The following MORC1 variants were observed in gnomAD, a reference collection of about 807,000 sequenced individuals.
The protein encoded by MORC1 is MORC family CW-type zinc finger protein 1.
MORC1 carries 59 observed loss-of-function variants against 134.9 expected under a neutral mutation model. That is an observed-to-expected ratio of 0.44 (90% CI 0.35 to 0.54). The LOEUF (loss-of-function observed/expected upper bound fraction) is 0.54. MORC1 is among the 20% of genes least tolerant of loss of function. The pLI is 0.00. For synonymous variants in MORC1, 395 were observed against 391.7 expected, an observed-to-expected ratio of 1.01 and a Z score of -0.10; for missense variants, 947 against 1,134.5, an observed-to-expected ratio of 0.83 and a Z score of 2.37.
At chr3:109,091,954 T>A (rs1950737946) in intron 8 of MORC1, among the ~76,000 whole-genome samples, 1 of 152,210 alleles carries the variant, frequency 6.6e-6, no homozygotes. Flanking sequence ...TTTCCAAAGA[T>A]GTAGCTGTCA....
chr3:109,088,788 A>G (rs1291614455), intron 8 of MORC1, among the ~76,000 whole-genome samples: 3 of 152,148 alleles, frequency 2.0e-5, no homozygotes, highest in East Asian at 1.9e-4. Context: ...ACTATTTACT[A>G]TATCACAATA....
intron 21 of MORC1, among the ~76,000 whole-genome samples, chr3:108,999,240 C>T (rs1355649990): frequency 6.6e-6 from 1 of 152,116 alleles, no homozygotes; most frequent in Admixed American, 6.6e-5. Context: ...TTTCTGTTCC[C>T]ATTCACAAAT....
chr3:108,981,806 G>A (rs1002245597), intron 23 of MORC1, among the ~76,000 whole-genome samples: 6 of 152,030 alleles, frequency 3.9e-5, no homozygotes, highest in African/African-American at 1.5e-4. Context: ...TTTTTCCCTA[G>A]AAGAAAACCT....
At chr3:109,067,039 A>T (rs1302690506) in intron 9 of MORC1, among the ~76,000 whole-genome samples, 1 of 152,180 alleles carries the variant, frequency 6.6e-6, no homozygotes, top group Non-Finnish European at 1.5e-5. Flanking sequence ...TAGCATATGG[A>T]AAGCATCCCT....
At chr3:109,045,557 G>C (rs1270267534) in intron 14 of MORC1, among the ~76,000 whole-genome samples, 2 of 152,184 alleles carry the variant, frequency 1.3e-5, no homozygotes, top group African/African-American at 2.4e-5. Context: ...GATTTAGTGT[G>C]TGGTGCAAGG....
chr3:109,045,088 A>G (rs1949661082), intron 14 of MORC1, among the ~76,000 whole-genome samples: 1 of 152,158 alleles, frequency 6.6e-6, no homozygotes, highest in Non-Finnish European at 1.5e-5. Flanking sequence ...ACCACAGCAA[A>G]GCTTTGATGG....
intron 17 of MORC1, among the ~76,000 whole-genome samples, chr3:109,025,547 A>G (rs531395117): frequency 1.3e-5 from 2 of 151,786 alleles, no homozygotes; most frequent in Non-Finnish European, 2.9e-5. Context: ...ACACCCAGCT[A>G]ATTTTTTGTA....
chr3:108,973,086 T>C (rs1223029205), intron 24 of MORC1, among the ~76,000 whole-genome samples: 1 of 152,224 alleles, frequency 6.6e-6, no homozygotes, highest in Non-Finnish European at 1.5e-5. Flanking sequence ...AGACACATAA[T>C]AGATATCTTT....
At chr3:109,108,901 CAA>C (rs11329896) in intron 3 of MORC1, among the ~76,000 whole-genome samples, 393 of 131,212 alleles carry the variant, frequency 3.0e-3, no homozygotes, top group Middle Eastern at 4.0e-3. Flanking sequence ...CTCCGTCTCA[CAA>C]AAAAAAAAAA....
chr3:109,035,300 C>A lies in MORC1; in HGVS notation c.1459+40G>T, dbSNP rs775796577. ...ACACAATGACTTGCATATTTAAGAGCCCTTAACATTTGGTAATTATAATGG... is the reference window on the plus strand; with the variant it reads ...ACACAATGACTTGCATATTTAAGAGACCTTAACATTTGGTAATTATAATGG... On this transcript the variant is annotated intron_variant, in intron 15 of 27. Transcript: ENST00000232603. The A allele has an allele frequency of 3.2e-5, 49 of 1,538,786 alleles. No individual in the cohort carries two copies. In the East Asian group the frequency reaches 7.1e-4, roughly 22 times the overall value.
Position 109,004,866 on chromosome 3 carries a change from G to A in MORC1, c.2036C>T (p.Thr679Ile), listed in dbSNP as rs150962851. The A allele has an allele frequency of 3.3e-5, 53 of 1,613,368 alleles. No homozygotes were observed. The highest frequency in any genetic ancestry group is 3.6e-5 in the Non-Finnish European group (42 of 1,179,854). The part of the protein sequence containing the change: ...RSQRSQIANI[T>I]TVWRAQPTEG... ...AGTTGGTTGAGCTCTCCAGACAGTG[G>A]TAATATTAGCAATCTGACTTCTCTT... The change falls in exon 20 of 28, where the codon ACC (threonine) becomes ATC (isoleucine). Residue 679 changes from threonine to isoleucine, a missense_variant. By Grantham distance (89) the Thr-to-Ile change is moderately conservative (BLOSUM62 -1). Coordinates refer to ENST00000232603, the MANE Select transcript of MORC1 (RefSeq NM_014429.4).
intron 14 of MORC1, among the ~76,000 whole-genome samples, chr3:109,043,188 T>TG (rs112162969): frequency 1.7e-3 from 94 of 55,586 alleles, no homozygotes; most frequent in African/African-American, 4.9e-3. Context: ...TGGCAAAATG[T>TG]GGGGGGGGGG....
At chr3:109,106,126 G>A (rs759390266) in intron 3 of MORC1, among the ~76,000 whole-genome samples, 1 of 152,176 alleles carries the variant, frequency 6.6e-6, no homozygotes, top group Non-Finnish European at 1.5e-5. Context: ...TCTTGGATAG[G>A]GTTCAGAAAT....
At chr3:108,998,302 A>G (rs1282867958) in intron 21 of MORC1, among the ~76,000 whole-genome samples, 3 of 152,198 alleles carry the variant, frequency 2.0e-5, no homozygotes, top group Non-Finnish European at 4.4e-5. Context: ...AGTTTCATGA[A>G]TTTGGATAAT....
At chr3:109,105,678 C>CAA (rs5851645) in intron 3 of MORC1, among the ~76,000 whole-genome samples, 2 of 131,408 alleles carry the variant, frequency 1.5e-5, no homozygotes, top group African/African-American at 2.9e-5. Context: ...GACCCTGTCT[C>CAA]AAAAAAAAAA....
At chr3:109,037,938 A>G (rs1287233841) in intron 14 of MORC1, among the ~76,000 whole-genome samples, 1 of 152,206 alleles carries the variant, frequency 6.6e-6, no homozygotes, top group African/African-American at 2.4e-5. Flanking sequence ...CATGATTTCT[A>G]ATCCTTTGGG....
chr3:109,047,380 C>G (rs192859595), intron 14 of MORC1, among the ~76,000 whole-genome samples: 1 of 151,954 alleles, frequency 6.6e-6, no homozygotes, highest in Non-Finnish European at 1.5e-5. Flanking sequence ...ATTTGCAATA[C>G]GGCTGAGATC....
Position 108,959,046 on chromosome 3 carries a change from G to A in MORC1, c.2874C>T (p.Phe958=), listed in dbSNP as rs150100342. The change falls in exon 28 of 28, where the codon TTC becomes TTT. Residue 958 remains phenylalanine (F), a synonymous_variant. Transcript: ENST00000232603. ...EALLKEDNLL[F]QNNLNKVTID... ...TAGTTACTTTATTTAAATTGTTCTGGAAGAGAAGATTATCTTCTTTAAGCA... is the reference window on the plus strand; with the variant it reads ...TAGTTACTTTATTTAAATTGTTCTGAAAGAGAAGATTATCTTCTTTAAGCA... 1 of 1,565,968 alleles carries A rather than the reference G, an allele frequency of 6.4e-7. No individual in the cohort carries two copies. Among genetic ancestry groups the A allele is most frequent in the Non-Finnish European group, 8.6e-7 (1 of 1,157,064 alleles).
At chr3:109,022,710 C>T (rs1948988281) in intron 17 of MORC1, among the ~76,000 whole-genome samples, 2 of 152,198 alleles carry the variant, frequency 1.3e-5, no homozygotes, top group African/African-American at 4.8e-5. Flanking sequence ...GTAGAGTCAA[C>T]CAATCCAATC....
Sources: allele counts gnomAD v4.1 joint callset (sites outside exome capture counted in the v4.1 genomes callset), GRCh38; gene constraint gnomAD v4.1.1; transcripts MANE v1.5; gene names NCBI Gene and HGNC (gene_info 2026-07-23, HGNC 2026-07-21).